Variants in CNTN4 observed in about 807,000 individuals in gnomAD.
CNTN4 encodes the protein contactin 4, also known as contactin-4.
A neutral mutation model predicts 122.5 loss-of-function variants in CNTN4; 77 were observed. The observed-to-expected ratio is 0.63, with a 90% CI of 0.52 to 0.76. CNTN4 has a LOEUF of 0.76. Among genes scored for constraint, CNTN4 ranks in the 30% least tolerant of loss-of-function variants. CNTN4 has a pLI of 0.00. For missense variants in CNTN4, 1,256 were observed against 1,259.1 expected (o/e 1.00, Z 0.04); for synonymous variants, 512 against 447.0 (o/e 1.15, Z -1.83).
At chr3:2,652,052 G>A (rs573861636) in intron 4 of CNTN4, among the ~76,000 whole-genome samples, 217 of 151,614 alleles carry the variant, frequency 1.4e-3, no homozygotes, top group African/African-American at 5.1e-3. Flanking sequence ...CAGGTATGGC[G>A]GTTCATGCAT....
At chr3:3,042,844 C>T (rs772965989) in intron 21 of CNTN4, 133 bp from the exon 22 acceptor site, 12 of 755,926 alleles carry the variant, frequency 1.6e-5, no homozygotes, top group Non-Finnish European at 2.5e-5. Context: ...AGTCCTTTGT[C>T]CTGATAGCTC....
chr3:2,128,562 G>A (rs77863701), intron 2 of CNTN4, among the ~76,000 whole-genome samples: 4,626 of 152,224 alleles, frequency 0.03, 98 homozygotes, highest in Non-Finnish European at 0.044. Context: ...TCTGAAGACT[G>A]TGATCGACAC....
At chr3:2,456,428 C>T (rs1255859245) in intron 3 of CNTN4, among the ~76,000 whole-genome samples, 1 of 152,126 alleles carries the variant, frequency 6.6e-6, no homozygotes, top group African/African-American at 2.4e-5. Flanking sequence ...TACGCTTACA[C>T]CGATGTGCAG....
At chr3:2,937,380 A>G (rs1348647764) in intron 13 of CNTN4, among the ~76,000 whole-genome samples, 2 of 152,194 alleles carry the variant, frequency 1.3e-5, no homozygotes, top group East Asian at 3.9e-4. Context: ...GTGAAGACAC[A>G]GAGGGTGAGG....
At chr3:2,785,154 G>T (rs4130674) in intron 6 of CNTN4, among the ~76,000 whole-genome samples, 45,408 of 147,848 alleles carry the variant, frequency 0.31, 7,227 homozygotes, top group East Asian at 0.63. Context: ...TATAGAGAGA[G>T]AGAGAGAGAG....
At chr3:2,330,653 A>G (rs767374735) in intron 2 of CNTN4, among the ~76,000 whole-genome samples, 1 of 152,198 alleles carries the variant, frequency 6.6e-6, no homozygotes, top group Admixed American at 6.5e-5. Flanking sequence ...AATTTGTGGA[A>G]GGTCACTCAG....
intron 3 of CNTN4, among the ~76,000 whole-genome samples, chr3:2,549,820 A>G (rs758500837): frequency 2.8e-4 from 42 of 152,196 alleles, no homozygotes; most frequent in Non-Finnish European, 4.4e-4. Flanking sequence ...CTGTGAATCC[A>G]TCTGGTCCTG....
intron 4 of CNTN4, among the ~76,000 whole-genome samples, chr3:2,689,975 T>C (rs1306800513): frequency 6.6e-6 from 1 of 152,140 alleles, no homozygotes; most frequent in East Asian, 1.9e-4. Context: ...ACTAAGATCA[T>C]ATGTCTTCTC....
chr3:2,238,434 A>T (rs1428848988), intron 2 of CNTN4, among the ~76,000 whole-genome samples: 1 of 152,000 alleles, frequency 6.6e-6, no homozygotes, highest in African/African-American at 2.4e-5. Context: ...ATAATAGAAA[A>T]TTTTTAATCA....
In CNTN4 at chr3:2,385,761, C is replaced by G. The variant is rs1057149339; in HGVS notation, c.-89+46528C>G. 2.6e-5 allele frequency among the ~76,000 whole-genome samples: 4 copies of G among 151,974 alleles called. No individual in the cohort carries two copies. Among genetic ancestry groups the G allele is most frequent in the Non-Finnish European group, 5.9e-5 (4 of 68,010 alleles). ...AGGACATAAGTCTTATTGGATATGACCTATCCTAATGAACTCATCTTAACT... is the reference window on the plus strand; with the variant it reads ...AGGACATAAGTCTTATTGGATATGAGCTATCCTAATGAACTCATCTTAACT... On this transcript the variant is annotated intron_variant, in intron 3 of 24. Transcript: ENST00000418658. This position sits in a 1 kb window ranked among gnomAD's most constrained non-coding sequence, Gnocchi z 4.0.
chr3:2,336,163 T>C (rs1347632959), intron 2 of CNTN4, among the ~76,000 whole-genome samples: 1 of 152,138 alleles, frequency 6.6e-6, no homozygotes, highest in Admixed American at 6.5e-5. Flanking sequence ...AAAAGGATTA[T>C]TTCAAAAGTA....
chr3:2,683,327 TACACAC>T (rs10601751), intron 4 of CNTN4, among the ~76,000 whole-genome samples: 56 of 149,190 alleles, frequency 3.8e-4, no homozygotes, highest in African/African-American at 8.6e-4. Flanking sequence ...TGCACACATG[TACACAC>T]ACACACACAC....
intron 3 of CNTN4, among the ~76,000 whole-genome samples, chr3:2,522,145 CAGTTTG>C (rs1257969341): frequency 2.9e-5 from 3 of 102,898 alleles, no homozygotes; most frequent in East Asian, 3.1e-4. Context: ...CCTGCCTAAG[CAGTTTG>C]TGTGTGTGTG....
chr3:2,759,645 G>A (rs1194646436), intron 6 of CNTN4, among the ~76,000 whole-genome samples: 1 of 151,586 alleles, frequency 6.6e-6, no homozygotes, highest in African/African-American at 2.4e-5. Flanking sequence ...ATTCCTAGGA[G>A]TGGAGTAGCT....
intron 17 of CNTN4, 21 bp from the exon 18 acceptor site, chr3:3,037,158 C>G (rs1699683839): frequency 6.2e-7 from 1 of 1,614,068 alleles, no homozygotes; most frequent in Non-Finnish European, 8.5e-7. Flanking sequence ...GAAACAGCCC[C>G]CACCTTTTGT....
intron 2 of CNTN4, among the ~76,000 whole-genome samples, chr3:2,269,095 C>T (rs931648161): frequency 1.3e-5 from 2 of 152,050 alleles, no homozygotes; most frequent in African/African-American, 4.8e-5. Flanking sequence ...GAAATAAATC[C>T]ACACTGAATT....
intron 3 of CNTN4, among the ~76,000 whole-genome samples, chr3:2,483,991 A>G (rs554679667): frequency 6.6e-6 from 1 of 152,330 alleles, no homozygotes; most frequent in South Asian, 2.1e-4. Flanking sequence ...TTTATCTGCA[A>G]AAAGATACTG....
chr3:2,231,703 A>G (rs952833511), intron 2 of CNTN4, among the ~76,000 whole-genome samples: 4 of 152,076 alleles, frequency 2.6e-5, no homozygotes, highest in Admixed American at 1.3e-4. Context: ...TTCTTCACAT[A>G]TTTTTCTTTT....
chr3:2,198,111 A>G (rs933477012), intron 2 of CNTN4, among the ~76,000 whole-genome samples: 8 of 152,166 alleles, frequency 5.3e-5, no homozygotes, highest in Non-Finnish European at 1.2e-4. Flanking sequence ...GTTTCAGCAC[A>G]TGGGGTTCCT....
Sources: gnomAD v4.1 joint callset for allele counts (sites outside exome capture counted in the v4.1 genomes callset) on GRCh38, gnomAD v4.1.1 for gene constraint, Gnocchi (gnomAD v3.1) non-coding constraint, MANE v1.5 for transcripts, NCBI Gene and HGNC (gene_info 2026-07-23, HGNC 2026-07-21) for gene names.